Variants in TJP1 observed in about 807,000 individuals in gnomAD.
TJP1 encodes the protein tight junction protein 1, also known as tight junction protein ZO-1.
TJP1 carries 43 observed loss-of-function variants against 194.2 expected under a neutral mutation model. That is an observed-to-expected ratio of 0.22 (90% CI 0.17 to 0.29). The LOEUF is 0.29. Among genes scored for constraint, TJP1 ranks in the 10% least tolerant of loss-of-function variants. The pLI is 1.00. For missense variants in TJP1, 1,971 were observed against 2,185.7 expected (o/e 0.90, Z 1.96); for synonymous variants, 801 against 779.0 (o/e 1.03, Z -0.47).
At chr15:29,706,851 G>A (rs139386334) in intron 25 of TJP1, among the ~76,000 whole-genome samples, 1 of 152,074 alleles carries the variant, frequency 6.6e-6, no homozygotes, top group African/African-American at 2.4e-5. Flanking sequence ...GTAGACATGG[G>A]TTTTCACCGT....
At chr15:29,855,021 T>C (rs2051792882) in intron 2 of TJP1, among the ~76,000 whole-genome samples, 1 of 152,200 alleles carries the variant, frequency 6.6e-6, no homozygotes, top group African/African-American at 2.4e-5. Flanking sequence ...AGCATAAAAT[T>C]GTGAATATGA....
At chr15:29,837,490 G>A (rs910767179) in intron 2 of TJP1, among the ~76,000 whole-genome samples, 4 of 152,074 alleles carry the variant, frequency 2.6e-5, no homozygotes, top group Admixed American at 6.5e-5. Flanking sequence ...CCCGGGAGGC[G>A]GAGGTTGTGG....
At chr15:29,783,741 A>C (rs1318355454) in intron 2 of TJP1, among the ~76,000 whole-genome samples, 1 of 152,232 alleles carries the variant, frequency 6.6e-6, no homozygotes, top group Non-Finnish European at 1.5e-5. Flanking sequence ...TCTCACTTAT[A>C]AGCGGGAGCT....
chr15:29,714,537 C>A (rs1305599123), intron 23 of TJP1, among the ~76,000 whole-genome samples: 8 of 88,986 alleles, frequency 9.0e-5, no homozygotes, highest in African/African-American at 3.9e-4. Context: ...TGCGCCCAGC[C>A]TTTTTTTTTT....
chr15:29,954,981 G>A (rs2055883992), intron 2 of TJP1, among the ~76,000 whole-genome samples: 1 of 152,032 alleles, frequency 6.6e-6, no homozygotes, highest in Non-Finnish European at 1.5e-5. Flanking sequence ...TCAGGAGGCT[G>A]AGGCAGGAGA....
At chr15:29,821,892 C>A in intron 1 of TJP1, 110 bp downstream of exon 1, 1 of 1,033,396 alleles carries the variant, frequency 9.7e-7, no homozygotes, top group Non-Finnish European at 1.2e-6. Flanking sequence ...CCCCGCCGCC[C>A]CGGGGCCCAG....
intron 2 of TJP1, among the ~76,000 whole-genome samples, chr15:29,871,553 C>T (rs1032118357): frequency 3.3e-5 from 5 of 152,334 alleles, no homozygotes; most frequent in South Asian, 2.1e-4. Context: ...GTGGGAGAGG[C>T]GCAACCGCCT....
chr15:29,782,473 G>A (rs2047425502), intron 2 of TJP1, among the ~76,000 whole-genome samples: 1 of 152,142 alleles, frequency 6.6e-6, no homozygotes, highest in African/African-American at 2.4e-5. Flanking sequence ...AAATGGTGCT[G>A]GGATAACTGG....
chr15:29,767,746 C>A (rs1000273932), intron 4 of TJP1, among the ~76,000 whole-genome samples: 1 of 152,132 alleles, frequency 6.6e-6, no homozygotes, highest in South Asian at 2.1e-4. Flanking sequence ...TTTACTCCCC[C>A]TCCCCTCCTA....
intron 1 of TJP1, among the ~76,000 whole-genome samples, chr15:29,808,903 G>A (rs566339096): frequency 9.9e-5 from 15 of 152,270 alleles, no homozygotes; most frequent in Non-Finnish European, 2.1e-4. Flanking sequence ...CACTTATGAA[G>A]TAGAACTGTA....
intron 4 of TJP1, among the ~76,000 whole-genome samples, chr15:29,769,403 T>G (rs929621318): frequency 2.0e-5 from 3 of 152,208 alleles, no homozygotes; most frequent in Non-Finnish European, 4.4e-5. Context: ...TCAAAAGTCA[T>G]TCAGGCCCTT....
chr15:29,845,014 T>G (rs1473553548), intron 2 of TJP1, among the ~76,000 whole-genome samples: 1 of 152,052 alleles, frequency 6.6e-6, no homozygotes, highest in Non-Finnish European at 1.5e-5. Context: ...GCAGAACATG[T>G]TTGAAAAAGG....
chr15:29,759,893 T>TG (rs1451773127), intron 8 of TJP1: 2 of 304,056 alleles, frequency 6.6e-6, no homozygotes, highest in Non-Finnish European at 1.2e-5. Flanking sequence ...CTCCATACCT[T>TG]GGCTATTGTG....
intron 23 of TJP1, among the ~76,000 whole-genome samples, chr15:29,712,861 G>A (rs1254610037): frequency 6.6e-6 from 1 of 151,484 alleles, no homozygotes; most frequent in Non-Finnish European, 1.5e-5. Context: ...TGAAGACACA[G>A]GAAAAAGTAA....
chr15:29,936,875 T>C (rs1567212106), intron 2 of TJP1, among the ~76,000 whole-genome samples: 2 of 152,202 alleles, frequency 1.3e-5, no homozygotes, highest in East Asian at 3.8e-4. Flanking sequence ...GGCAGCCCAG[T>C]GGAGTCCAGC....
intron 2 of TJP1, among the ~76,000 whole-genome samples, chr15:29,926,477 T>C (rs1172879561): frequency 5.3e-5 from 8 of 152,208 alleles, no homozygotes; most frequent in Middle Eastern, 3.4e-3. Context: ...CCGGACATAG[T>C]GGAGCATGCC....
Position 29,822,250 on chromosome 15 carries a change from A to G in TJP1, c.-222T>C, listed in dbSNP as rs977456968. 7.7e-6 allele frequency: 9 copies of G among 1,169,160 alleles called. No homozygotes were observed. Among genetic ancestry groups the G allele is most frequent in the Admixed American group, 4.6e-5 (1 of 21,516 alleles). The allele number at this position is 1,169,160 out of a possible 1,614,324, so 72.4% of individuals were successfully genotyped here. ...GGGTCTTCTCCACGGGGCGCGCCCGACCGGCACCTCCCTCCGAGCGCGGCC... is the reference window on the plus strand; with the variant it reads ...GGGTCTTCTCCACGGGGCGCGCCCGGCCGGCACCTCCCTCCGAGCGCGGCC... On this transcript the variant is annotated 5_prime_UTR_variant, in exon 1 of 28. Coordinates refer to ENST00000614355, the MANE Select transcript of TJP1 (RefSeq NM_001330239.4).
chr15:29,724,003 T>C (rs2043089636), intron 18 of TJP1, among the ~76,000 whole-genome samples: 1 of 152,192 alleles, frequency 6.6e-6, no homozygotes. Flanking sequence ...CACTTCAGTA[T>C]GGAATGAAGG....
chr15:29,947,584 C>G (rs2055327673), intron 2 of TJP1, among the ~76,000 whole-genome samples: 2 of 152,188 alleles, frequency 1.3e-5, no homozygotes, highest in Admixed American at 6.5e-5. Context: ...TCCCTAGGAG[C>G]CTGTGCCACC....
Sources: gnomAD v4.1 joint callset for allele counts (sites outside exome capture counted in the v4.1 genomes callset) on GRCh38, gnomAD v4.1.1 for gene constraint, MANE v1.5 for transcripts, NCBI Gene and HGNC (gene_info 2026-07-23, HGNC 2026-07-21) for gene names.